The following GRM5 variants were observed in gnomAD, a reference collection of about 807,000 sequenced individuals.
GRM5 encodes the protein glutamate metabotropic receptor 5.
GRM5 carries 19 observed loss-of-function variants against 83.1 expected under a neutral mutation model. The observed-to-expected ratio is 0.23, with a 90% CI of 0.16 to 0.34. The LOEUF is 0.34. GRM5 is among the 10% of genes least tolerant of loss of function. GRM5 has a pLI of 1.00. For missense variants in GRM5, 1,160 were observed against 1,588.3 expected (o/e 0.73, Z 4.58); for synonymous variants, 675 against 633.6 (o/e 1.07, Z -0.98).
At chr11:88,522,302 AAATTTGG>A (rs1941715854) in intron 9 of GRM5, among the ~76,000 whole-genome samples, 1 of 152,196 alleles carries the variant, frequency 6.6e-6, no homozygotes, top group South Asian at 2.1e-4. Flanking sequence ...CTGAGTAAGC[AAATTTGG>A]ATTAACTACT....
At chr11:88,678,912 A>G (rs1013587346) in intron 3 of GRM5, among the ~76,000 whole-genome samples, 59 of 146,536 alleles carry the variant, frequency 4.0e-4, no homozygotes, top group African/African-American at 1.3e-3. Flanking sequence ...TGACTCATTT[A>G]AAAAAAAAAA....
intron 4 of GRM5, among the ~76,000 whole-genome samples, chr11:88,622,832 T>C (rs985068628): frequency 6.6e-6 from 1 of 152,164 alleles, no homozygotes. Flanking sequence ...TTTAGCTTAT[T>C]TGGAGTCATA....
intron 3 of GRM5, among the ~76,000 whole-genome samples, chr11:88,745,376 T>A (rs1321686001): frequency 1.1e-5 from 1 of 87,106 alleles, no homozygotes; most frequent in Non-Finnish European, 2.6e-5. Context: ...CTAGCTAATA[T>A]TGTATTTTTT....
rs186923048 is a variant in GRM5, at chr11:88,939,258, C to T, written c.662-89103G>A. 7.4e-3 allele frequency among the ~76,000 whole-genome samples: 1,119 copies of T among 151,718 alleles called. 4 individuals carry two copies. The highest frequency in any genetic ancestry group is 0.031 in the Middle Eastern group (9 of 294). On this transcript the variant is annotated intron_variant, in intron 2 of 9. Transcript: ENST00000305447. ...CTCAATTTTGTTTTGTTTTTAACTA[C>T]CAGAACTTTGGTACCCGGTGTGCTT...
At chr11:88,924,390 G>A (rs1945750850) in intron 2 of GRM5, among the ~76,000 whole-genome samples, 1 of 151,992 alleles carries the variant, frequency 6.6e-6, no homozygotes, top group Non-Finnish European at 1.5e-5. Flanking sequence ...AGTAACAAAG[G>A]TATGAAAACA....
At chr11:89,060,330 T>C (rs1941966525) in intron 1 of GRM5, among the ~76,000 whole-genome samples, 1 of 151,872 alleles carries the variant, frequency 6.6e-6, no homozygotes, top group South Asian at 2.1e-4. Context: ...AATATATGTT[T>C]CCTTATTTTG....
At chr11:88,875,725 T>C (rs1304240511) in intron 2 of GRM5, among the ~76,000 whole-genome samples, 1 of 152,098 alleles carries the variant, frequency 6.6e-6, no homozygotes, top group Admixed American at 6.6e-5. Flanking sequence ...TTAGCAGGCA[T>C]GAAAACAACA....
chr11:88,526,747 A>T (rs1941888076), intron 8 of GRM5, among the ~76,000 whole-genome samples: 1 of 152,148 alleles, frequency 6.6e-6, no homozygotes, highest in African/African-American at 2.4e-5. Context: ...CCCTTCTAAA[A>T]TGTTTAAAGT....
intron 3 of GRM5, among the ~76,000 whole-genome samples, chr11:88,684,920 CAGTTTCGGGT>C (rs2135350050): frequency 6.6e-6 from 1 of 152,182 alleles, no homozygotes; most frequent in East Asian, 1.9e-4. Context: ...TTTTTCTTCC[CAGTTTCGGGT>C]ATGTCTTTAT....
rs1169646973 is a variant in GRM5, at chr11:88,514,648, T to C, written c.2727-5144A>G. On this transcript the variant is annotated intron_variant, in intron 9 of 9. Coordinates refer to ENST00000305447, the MANE Select transcript of GRM5 (RefSeq NM_001143831.3). ...TGACAAAAATGAGGATGGAAAGGAA[T>C]GTACTGACATGAAAACTACTGTGGA... Among the ~76,000 whole-genome samples, 7 of 152,258 alleles carry C rather than the reference T, an allele frequency of 4.6e-5. No individual in the cohort carries two copies. In the South Asian group the frequency reaches 6.2e-4, roughly 14 times the overall value.
chr11:88,765,644 A>C (rs1267879565), intron 3 of GRM5, among the ~76,000 whole-genome samples: 1 of 151,712 alleles, frequency 6.6e-6, no homozygotes, highest in Non-Finnish European at 1.5e-5. Flanking sequence ...TCCACACACA[A>C]AATAATAAGG....
chr11:88,675,096 A>C (rs946515083), intron 3 of GRM5, among the ~76,000 whole-genome samples: 1 of 151,860 alleles, frequency 6.6e-6, no homozygotes, highest in African/African-American at 2.4e-5. Flanking sequence ...ATTTTCCTAT[A>C]TTCTGGCTGT....
intron 3 of GRM5, among the ~76,000 whole-genome samples, chr11:88,663,912 C>T (rs907464786): frequency 3.3e-5 from 5 of 152,056 alleles, no homozygotes; most frequent in African/African-American, 9.7e-5. Context: ...GAATATAAAC[C>T]TCACCTCCCA....
At position 89,047,243 on chromosome 11, in the gene GRM5, G is replaced by A; in HGVS notation, c.630C>T (p.Asn210=). ...RAMVDIVKRY[N]WTYVSAVHTE... ...TGTGCACGGCTGATACATAGGTCCA[G>A]TTGTACCTCTTCACTATGTCCACCA... The change falls in exon 2 of 10, where the codon AAC becomes AAT. Residue 210 remains asparagine (N), a synonymous_variant. Transcript: ENST00000305447. This position sits in a 1 kb window ranked among gnomAD's most constrained non-coding sequence, Gnocchi z 5.1. The A allele has an allele frequency of 6.2e-7, 1 of 1,613,760 alleles. No homozygotes were observed.
At chr11:88,946,941 G>A (rs1938300637) in intron 2 of GRM5, among the ~76,000 whole-genome samples, 1 of 151,958 alleles carries the variant, frequency 6.6e-6, no homozygotes, top group East Asian at 1.9e-4. Flanking sequence ...TATTATTTTT[G>A]TGCTTTAATC....
At chr11:88,866,974 A>T (rs538882691) in intron 2 of GRM5, among the ~76,000 whole-genome samples, 1 of 152,110 alleles carries the variant, frequency 6.6e-6, no homozygotes, top group African/African-American at 2.4e-5. Flanking sequence ...TCCTCTCCCC[A>T]TTGCTTGTTT....
chr11:88,812,943 A>C (rs1943611605), intron 3 of GRM5, among the ~76,000 whole-genome samples: 1 of 152,112 alleles, frequency 6.6e-6, no homozygotes, highest in Non-Finnish European at 1.5e-5. Context: ...TTTCATTCAT[A>C]TTTTATAGCT....
At chr11:88,565,425 C>T (rs75257593) in intron 8 of GRM5, among the ~76,000 whole-genome samples, 49 of 152,322 alleles carry the variant, frequency 3.2e-4, no homozygotes, top group African/African-American at 1.2e-3. Context: ...TGCTGTCTCC[C>T]TAAGGGGCTT....
chr11:88,733,551 G>A (rs1159898386), intron 3 of GRM5, among the ~76,000 whole-genome samples: 5 of 151,868 alleles, frequency 3.3e-5, no homozygotes, highest in East Asian at 1.9e-4. Context: ...AAAACCCAGC[G>A]AATTTTCTAT....
Sources: gnomAD v4.1 joint callset for allele counts (sites outside exome capture counted in the v4.1 genomes callset) on GRCh38, gnomAD v4.1.1 for gene constraint, Gnocchi (gnomAD v3.1) non-coding constraint, MANE v1.5 for transcripts, NCBI Gene and HGNC (gene_info 2026-07-23, HGNC 2026-07-21) for gene names.